INSRR: variants seen among roughly 807,000 people sequenced by gnomAD.
INSRR encodes insulin receptor related receptor, also known as insulin receptor-related protein.
Under a neutral mutation model 130.0 loss-of-function variants are expected in INSRR, and 114 were observed. The observed-to-expected ratio is 0.88, with a 90% CI of 0.75 to 1.02. The LOEUF (loss-of-function observed/expected upper bound fraction) is 1.02. Ranked by LOEUF, INSRR falls within the 50% of genes least tolerant of loss-of-function variation. The probability of loss-of-function intolerance (pLI) is 0.00; values close to 1 mark genes in which losing one functional copy is unlikely to be tolerated. For synonymous variants in INSRR, 674 were observed against 705.2 expected, an observed-to-expected ratio of 0.96 and a Z score of 0.70; for missense variants, 1,657 against 1,735.2, an observed-to-expected ratio of 0.95 and a Z score of 0.80.
At chr1:156,846,821 C>A in intron 7 of INSRR, 64 bp from the exon 8 acceptor site, 2 of 1,280,336 alleles carry the variant, frequency 1.6e-6, no homozygotes, top group Non-Finnish European at 2.3e-6. Context: ...GGCACCCCCG[C>A]TCTGAATCAC....
At position 156,843,259 on chromosome 1, in the gene INSRR, G is replaced by T. The variant is rs772824260; in HGVS notation, c.2897-26C>A. 1.1e-5 allele frequency: 17 copies of T among 1,606,558 alleles called. No individual in the cohort carries two copies. In the South Asian group the frequency reaches 1.9e-4, roughly 18 times the overall value. ...CTGCAAGGAGGTGGAGGGTCACAAA[G>T]CGAGGATGCTGCTCTCTGCCACACC... On this transcript the variant is annotated intron_variant, in intron 16 of 21. Coordinates refer to ENST00000368195, the MANE Select transcript of INSRR (RefSeq NM_014215.3).
At position 156,858,773 on chromosome 1, in the gene INSRR, C is replaced by T. The variant is rs548392556; in HGVS notation, c.-152G>A. ...GACAAGGAATCCCACACAGAGACAG[C>T]AGGAGACAGAAAAAAAGAAATGAGA... On this transcript the variant is annotated 5_prime_UTR_variant, in exon 1 of 22. Transcript: ENST00000368195. 4.0e-5 allele frequency: 26 copies of T among 643,050 alleles called. No individual in the cohort carries two copies. The African/African-American group carries it at 4.6e-4, about 11-fold the overall frequency. The allele number at this position is 643,050 out of a possible 1,614,324, so 39.8% of individuals were successfully genotyped here. A position where few individuals can be genotyped will look rare whatever the true frequency, so the allele number is the denominator to read the frequency against.
In INSRR at chr1:156,853,821, G is replaced by A. The variant is rs1347439958; in HGVS notation, c.568C>T (p.Pro190Ser). Residue 190 changes from proline to serine, a missense_variant, in exon 2 of 22, where the codon CCC (proline) becomes TCC (serine). Pro to Ser is a moderately conservative substitution (Grantham distance 74). Coordinates refer to ENST00000368195, the MANE Select transcript of INSRR (RefSeq NM_014215.3). ...CCGCTGAAGGTGGTCTTGGCACAGG[G>A]CTCACCAGCAGCACCCAGCACACCA... Reference protein sequence around the residue: ...CPGVLGAAGEPCAKTTFSGHT... With the variant: ...CPGVLGAAGESCAKTTFSGHT... The A allele has an allele frequency of 6.2e-7, 1 of 1,613,558 alleles. No homozygotes were observed. Among genetic ancestry groups the A allele is most frequent in the East Asian group, 2.2e-5 (1 of 44,876 alleles).
At chr1:156,843,372 GCTC>G in intron 16 of INSRR, 52 bp downstream of exon 16, 1 of 1,590,612 alleles carries the variant, frequency 6.3e-7, no homozygotes, top group East Asian at 2.2e-5. Flanking sequence ...GTCTGTCTCT[GCTC>G]CTCTCCTGTC....
chr1:156,842,590 T>A, intron 17 of INSRR, 82 bp from the exon 18 acceptor site: 1 of 1,024,494 alleles, frequency 9.8e-7, no homozygotes, highest in Non-Finnish European at 1.5e-6. Flanking sequence ...ATGACCACAG[T>A]CTGACTCAGA....
intron 21 of INSRR, 79 bp downstream of exon 21, chr1:156,841,315 T>A: frequency 3.0e-6 from 4 of 1,347,282 alleles, no homozygotes; most frequent in Non-Finnish European, 4.1e-6. Flanking sequence ...TCAGAGGAGG[T>A]GAGCCAGAAT....
chr1:156,848,520 T>C (rs1655088336), intron 7 of INSRR, among the ~76,000 whole-genome samples: 2 of 152,162 alleles, frequency 1.3e-5, no homozygotes, highest in Admixed American at 6.5e-5. Context: ...CCTCCCTTCC[T>C]AAGGCTTAAA....
Position 156,841,122 on chromosome 1 carries a change from C to G in INSRR, c.3663-18G>C. On this transcript the variant is annotated intron_variant, in intron 21 of 21. Coordinates refer to ENST00000368195, the MANE Select transcript of INSRR (RefSeq NM_014215.3). ...GCTCCTGCCTGGTGGGTGTGGGGAG[C>G]AGGGTCAGAGGCATCCGGGAGCCCC... 1 of 1,546,914 alleles carries G rather than the reference C, an allele frequency of 6.5e-7. No individual in the cohort carries two copies. The highest frequency in any genetic ancestry group is 8.8e-7 in the Non-Finnish European group (1 of 1,141,922).
chr1:156,840,691 A>T lies in INSRR; in HGVS notation c.*182T>A. 1.6e-6 allele frequency: 1 copy of T among 613,650 alleles called. No homozygotes were observed. Among genetic ancestry groups the T allele is most frequent in the Non-Finnish European group, 2.9e-6 (1 of 343,602 alleles). 38.0% of individuals were successfully genotyped at this position (613,650 alleles called of 1,614,324 possible). A position where few individuals can be genotyped will look rare whatever the true frequency, so the allele number is the denominator to read the frequency against. ...CCCCCGAGGGACTCAGAGTCTGAGA[A>T]ACTCCTATGGTGAGACCCCTCTGCC... On this transcript the variant is annotated 3_prime_UTR_variant, in exon 22 of 22. Coordinates refer to ENST00000368195, the MANE Select transcript of INSRR (RefSeq NM_014215.3).
chr1:156,845,664 T>A lies in INSRR; in HGVS notation c.2129A>T (p.Gln710Leu). 6.2e-7 allele frequency: 1 copy of A among 1,610,576 alleles called. No homozygotes were observed. Among genetic ancestry groups the A allele is most frequent in the Non-Finnish European group, 8.5e-7 (1 of 1,178,926 alleles). ...PPLEAQEASF[Q>L]KKFENFLHNA... ...GTGTAGAAAGTTTTCAAACTTCTTC[T>A]GGAACGAGGCCTCTTGCGCCTCCAG... Residue 710 changes from glutamine to leucine, a missense_variant, in exon 10 of 22, where the codon CAG becomes CTG. Coordinates refer to ENST00000368195, the MANE Select transcript of INSRR (RefSeq NM_014215.3).
intron 4 of INSRR, 94 bp downstream of exon 4, chr1:156,851,552 G>T: frequency 3.1e-6 from 5 of 1,607,578 alleles, no homozygotes; most frequent in South Asian, 1.1e-5. Context: ...CCAGGATGAT[G>T]GAAAATTGTG....
rs201006826 is a variant in INSRR at position 156,846,755 on chromosome 1, G to A, written c.1574C>T (p.Pro525Leu). 6.8e-6 allele frequency: 11 copies of A among 1,612,576 alleles called. No homozygotes were observed. The East Asian group carries it at 2.0e-4, about 29-fold the overall frequency. Residue 525 changes from proline to leucine, a missense_variant and splice_region_variant, in exon 8 of 22, where the codon CCA (proline) becomes CTA (leucine). Physicochemically the swap from Pro to Leu is moderately conservative, Grantham distance 98. Transcript: ENST00000368195. ...LSFIVYYKES[P>L]FQNATEHVGP... is the part of the protein sequence containing the mutation. Reference sequence around the variant, plus strand: ...CACGTGCTCTGTGGCGTTCTGGAATGGGCTGAACACCCATCCCCAGAGCTG... The same window carrying A: ...CACGTGCTCTGTGGCGTTCTGGAATAGGCTGAACACCCATCCCCAGAGCTG...
Position 156,854,632 on chromosome 1 carries a change from C to T in INSRR, c.86-329G>A, listed in dbSNP as rs1466110093. Reference sequence around the variant, plus strand: ...CTCCCAGCGACTTCATTCTTGCAGTCACCCTTAACACCTTTCTTTTTCACC... The same window carrying T: ...CTCCCAGCGACTTCATTCTTGCAGTTACCCTTAACACCTTTCTTTTTCACC... On this transcript the variant is annotated intron_variant, in intron 1 of 21. Transcript: ENST00000368195. The surrounding 1 kb of genome is among the most constrained non-coding windows in gnomAD (Gnocchi z 4.2). Among the ~76,000 whole-genome samples, 1 of 152,234 alleles carries T rather than the reference C, an allele frequency of 6.6e-6. No individual in the cohort carries two copies. Among genetic ancestry groups the T allele is most frequent in the Non-Finnish European group, 1.5e-5 (1 of 68,040 alleles).
chr1:156,849,187 C>G, intron 6 of INSRR, 59 bp downstream of exon 6: 1 of 1,604,290 alleles, frequency 6.2e-7, no homozygotes, highest in South Asian at 1.1e-5. Flanking sequence ...CTCCCTCCCC[C>G]GGGTGTGCGT....
intron 5 of INSRR, among the ~76,000 whole-genome samples, chr1:156,850,531 ATTCTTTTTTTTTTT>A (rs1424373483): frequency 3.1e-5 from 3 of 97,050 alleles, no homozygotes; most frequent in African/African-American, 1.2e-4. Flanking sequence ...AATTTAAAAC[ATTCTTTTTTTTTTT>A]TTTTTTTTTT....
chr1:156,848,766 G>A (rs1157413067), intron 7 of INSRR, among the ~76,000 whole-genome samples, 155 bp downstream of exon 7: 2 of 152,222 alleles, frequency 1.3e-5, no homozygotes, highest in Non-Finnish European at 2.9e-5. Context: ...AGGGAAGAGA[G>A]CCAGACCTGG....
At chr1:156,850,032 A>G (rs1655146687) in intron 5 of INSRR, among the ~76,000 whole-genome samples, 1 of 151,672 alleles carries the variant, frequency 6.6e-6, no homozygotes, top group South Asian at 2.1e-4. Context: ...TCTCTTGAGT[A>G]GCTGAGACTA....
Position 156,845,212 on chromosome 1 carries a change from C to T in INSRR, c.2301G>A (p.Val767=), listed in dbSNP as rs1398625864. The T allele has an allele frequency of 1.2e-6, 2 of 1,609,644 alleles. No homozygotes were observed. Among genetic ancestry groups the T allele is most frequent in the South Asian group, 2.2e-5 (2 of 90,350 alleles). The change falls in exon 12 of 22, where the codon GTG becomes GTA. Residue 767 remains valine, a synonymous_variant. Coordinates refer to ENST00000368195, the MANE Select transcript of INSRR (RefSeq NM_014215.3). ...CGCTCAGCACCGCTCGCTCACGGGG[C>T]ACCTTGTCCTCCTGGATCTCGAAAT... ...SSDFEIQEDK[V]PRERAVLSGL...
Position 156,854,297 on chromosome 1 carries a change from G to A in INSRR, c.92C>T (p.Pro31Leu), listed in dbSNP as rs1397765302. 6.2e-7 allele frequency: 1 copy of A among 1,609,380 alleles called. No homozygotes were observed. Among genetic ancestry groups the A allele is most frequent in the Admixed American group, 1.7e-5 (1 of 59,928 alleles). Reference sequence around the variant, plus strand: ...CACCTCTGAGCGAATATCCAGGCTGGGGCACACTGTGGGCATACACGGCAC... The same window carrying A: ...CACCTCTGAGCGAATATCCAGGCTGAGGCACACTGTGGGCATACACGGCAC... ...GFGLDTVEVC[P>L]SLDIRSEVAE... The change falls in exon 2 of 22, where the codon CCC (proline) becomes CTC (leucine). Residue 31 changes from proline to leucine, a missense_variant. Physicochemically the swap from Pro to Leu is moderately conservative, Grantham distance 98. Transcript: ENST00000368195. The surrounding 1 kb of genome is among the most constrained non-coding windows in gnomAD (Gnocchi z 4.2).
Sources: allele counts gnomAD v4.1 joint callset (sites outside exome capture counted in the v4.1 genomes callset), GRCh38; gene constraint gnomAD v4.1.1; non-coding constraint Gnocchi (gnomAD v3.1); transcripts MANE v1.5; gene names NCBI Gene and HGNC (gene_info 2026-07-23, HGNC 2026-07-21).